The following ARID2 variants were observed in gnomAD, a reference collection of about 807,000 sequenced individuals.
ARID2 encodes AT-rich interactive domain-containing protein 2.
In ARID2, 32 loss-of-function variants were observed where a neutral mutation model predicts 184.6. The observed-to-expected ratio is 0.17, with a 90% CI of 0.13 to 0.23. The LOEUF (loss-of-function observed/expected upper bound fraction) is 0.23, where lower values mean the gene tolerates loss of function less well. Ranked by LOEUF, ARID2 falls within the 10% of genes least tolerant of loss-of-function variation. The pLI is 1.00. For missense variants in ARID2, 1,696 were observed against 2,197.6 expected, an observed-to-expected ratio of 0.77 and a Z score of 4.56; for synonymous variants, 836 against 772.6, an observed-to-expected ratio of 1.08 and a Z score of -1.36.
At chr12:45,752,665 C>T (rs1941485885) in intron 3 of ARID2, among the ~76,000 whole-genome samples, 1 of 152,170 alleles carries the variant, frequency 6.6e-6, no homozygotes, top group South Asian at 2.1e-4. Context: ...AGGACTCAGA[C>T]TCATACCACC....
chr12:45,758,181 T>C (rs1941605144), intron 3 of ARID2, among the ~76,000 whole-genome samples: 1 of 152,216 alleles, frequency 6.6e-6, no homozygotes, highest in East Asian at 1.9e-4. Flanking sequence ...TGGGCATTTT[T>C]TATGAAATTA....
intron 3 of ARID2, among the ~76,000 whole-genome samples, chr12:45,739,707 G>A (rs927813866): frequency 6.6e-6 from 1 of 151,820 alleles, no homozygotes; most frequent in African/African-American, 2.4e-5. Flanking sequence ...TATCTTTCAT[G>A]GTGAAGTGTT....
chr12:45,792,678 T>G (rs1159549630), intron 3 of ARID2, among the ~76,000 whole-genome samples: 1 of 152,168 alleles, frequency 6.6e-6, no homozygotes, highest in African/African-American at 2.4e-5. Context: ...TTTAGTTGTG[T>G]CAATTTTGCA....
At chr12:45,758,366 T>C in intron 3 of ARID2, among the ~76,000 whole-genome samples, 1 of 152,228 alleles carries the variant, frequency 6.6e-6, no homozygotes, top group East Asian at 1.9e-4. Context: ...ACATTTTTTT[T>C]TGTGCGATCG....
intron 3 of ARID2, among the ~76,000 whole-genome samples, chr12:45,768,588 G>A (rs757513345): frequency 5.9e-5 from 9 of 152,122 alleles, no homozygotes; most frequent in African/African-American, 4.8e-5. Flanking sequence ...AGAAGTTCAG[G>A]CCTAAGAGTA....
chr12:45,870,776 T>TA (rs1943915214), intron 16 of ARID2, among the ~76,000 whole-genome samples: 1 of 152,214 alleles, frequency 6.6e-6, no homozygotes, highest in East Asian at 1.9e-4. Flanking sequence ...CATGTCTTCT[T>TA]ATTGTTGGAT....
chr12:45,785,105 G>A (rs1331116629), intron 3 of ARID2, among the ~76,000 whole-genome samples: 1 of 152,220 alleles, frequency 6.6e-6, no homozygotes, highest in East Asian at 1.9e-4. Flanking sequence ...AGGCGAAGAA[G>A]CCTCTCTTCT....
chr12:45,794,150 GT>G (rs1359476442), intron 3 of ARID2, among the ~76,000 whole-genome samples: 1 of 152,128 alleles, frequency 6.6e-6, no homozygotes, highest in Non-Finnish European at 1.5e-5. Flanking sequence ...ACACGTTTCT[GT>G]TCATCTTCCA....
At chr12:45,887,168 A>G (rs1944205413) in intron 16 of ARID2, among the ~76,000 whole-genome samples, 1 of 152,204 alleles carries the variant, frequency 6.6e-6, no homozygotes, top group Non-Finnish European at 1.5e-5. Flanking sequence ...AATAGAAGCT[A>G]ATCCTGAGCT....
intron 3 of ARID2, among the ~76,000 whole-genome samples, chr12:45,804,622 A>G (rs1219495717): frequency 1.3e-5 from 2 of 152,046 alleles, no homozygotes; most frequent in African/African-American, 2.4e-5. Flanking sequence ...AACATTTTAC[A>G]TAGCAATGGA....
At chr12:45,901,270 A>T (rs1487954087) in intron 20 of ARID2, among the ~76,000 whole-genome samples, 1 of 138,186 alleles carries the variant, frequency 7.2e-6, no homozygotes, top group Non-Finnish European at 1.5e-5. Context: ...TCCCAGGTTC[A>T]CGCCATTCTC....
intron 4 of ARID2, among the ~76,000 whole-genome samples, chr12:45,812,384 C>T (rs187921395): frequency 1.7e-4 from 26 of 151,274 alleles, no homozygotes; most frequent in Non-Finnish European, 3.2e-4. Flanking sequence ...ACTTTTTTTT[C>T]GTATTATCTA....
chr12:45,863,292 C>A (rs2138195227), intron 16 of ARID2, among the ~76,000 whole-genome samples: 2 of 152,300 alleles, frequency 1.3e-5, no homozygotes, highest in Middle Eastern at 3.4e-3. Flanking sequence ...TAGGATACTA[C>A]AAGCATAACG....
intron 3 of ARID2, among the ~76,000 whole-genome samples, chr12:45,744,926 A>G (rs1285976501): frequency 2.0e-5 from 3 of 152,198 alleles, no homozygotes; most frequent in Non-Finnish European, 4.4e-5. Context: ...ATTGCTTGGA[A>G]CATCCCTCCT....
chr12:45,904,396 A>G (rs1944494749), intron 20 of ARID2: 1 of 714,328 alleles, frequency 1.4e-6, no homozygotes, highest in Non-Finnish European at 2.6e-6. Flanking sequence ...CATATTTAGA[A>G]AGGTACTATG....
rs868056962 is a variant in ARID2, at chr12:45,850,532, C to T, written c.2409C>T (p.Gly803=). The T allele has an allele frequency of 4.3e-6, 7 of 1,614,078 alleles. No homozygotes were observed. The Middle Eastern group carries it at 8.2e-4, about 190-fold the overall frequency. ...QQAVPQSHMF[G]RVQNIPACTS... The stretch of plus-strand genomic sequence containing the variant: ...CTGTCCCACAGAGTCATATGTTTGG[C>T]AGAGTACAGAACATACCAGCATGTA... Residue 803 remains glycine, a synonymous_variant, in exon 15 of 21, where the codon GGC becomes GGT. Transcript: ENST00000334344.
chr12:45,787,291 C>T (rs1242890953), intron 3 of ARID2, among the ~76,000 whole-genome samples: 1 of 151,368 alleles, frequency 6.6e-6, no homozygotes, highest in African/African-American at 2.4e-5. Context: ...AATCGCGGCT[C>T]ACTATAGCCT....
rs1943231220 is a variant in ARID2, at chr12:45,837,004, C to T, written c.1023+13C>T. 1 of 1,608,040 alleles carries T rather than the reference C, an allele frequency of 6.2e-7. No homozygotes were observed. Among genetic ancestry groups the T allele is most frequent in the Admixed American group, 1.7e-5 (1 of 59,068 alleles). On this transcript the variant is annotated intron_variant, in intron 8 of 20. Transcript: ENST00000334344. ...TATTGCAGCTGAGGTAAGCATGTGA[C>T]TGTACCTTAAACTAGTTTTTATAGT...
chr12:45,811,522 C>A lies in ARID2; in HGVS notation c.389C>A (p.Ser130Tyr), dbSNP rs778930136. Residue 130 changes from serine to tyrosine, a missense_variant, in exon 4 of 21, where the codon TCC becomes TAC. Ser to Tyr is a moderately radical substitution (Grantham distance 144). Transcript: ENST00000334344. The stretch of plus-strand genomic sequence containing the variant: ...CTTCCTATTGGTGCAATTCCATCTT[C>A]CTACAATTACCAGCAACACAGTGTG... Reference protein sequence around the residue: ...PQLPIGAIPSSYNYQQHSVSD... With the variant: ...PQLPIGAIPSYYNYQQHSVSD... 1 of 1,613,722 alleles carries A rather than the reference C, an allele frequency of 6.2e-7. No homozygotes were observed. Among genetic ancestry groups the A allele is most frequent in the African/African-American group, 1.3e-5 (1 of 75,008 alleles).
Sources: allele counts gnomAD v4.1 joint callset (sites outside exome capture counted in the v4.1 genomes callset), GRCh38; gene constraint gnomAD v4.1.1; transcripts MANE v1.5; gene names NCBI Gene and HGNC (gene_info 2026-07-23, HGNC 2026-07-21).